Variants in COL12A1 observed in about 807,000 individuals in gnomAD.
COL12A1 encodes the protein collagen type XII alpha 1 chain, also known as collagen alpha-1(XII) chain.
A neutral mutation model predicts 349.7 loss-of-function variants in COL12A1; 114 were observed. The ratio of observed to expected loss-of-function variants is 0.33; its 90% CI spans 0.28 to 0.38. The LOEUF (loss-of-function observed/expected upper bound fraction) is 0.38, where lower values mean the gene tolerates loss of function less well. COL12A1 is among the 10% of genes least tolerant of loss of function. The probability of loss-of-function intolerance (pLI) is 1.00; values close to 1 mark genes in which losing one functional copy is unlikely to be tolerated. For missense variants in COL12A1, 3,284 were observed against 3,756.9 expected (o/e 0.87, Z 3.29); for synonymous variants, 1,369 against 1,329.0 (o/e 1.03, Z -0.66).
intron 17 of COL12A1, 66 bp from the exon 18 acceptor site, chr6:75,152,548 C>T (rs1259472892): frequency 7.1e-6 from 11 of 1,554,002 alleles, no homozygotes; most frequent in African/African-American, 1.4e-5. Flanking sequence ...TTCCTTGTCA[C>T]ACCTCTACCA....
chr6:75,136,961 G>C (rs1390238923), intron 31 of COL12A1, among the ~76,000 whole-genome samples: 2 of 152,096 alleles, frequency 1.3e-5, no homozygotes, highest in Non-Finnish European at 2.9e-5. Context: ...TAGGTTAACA[G>C]GCTCCCACAT....
chr6:75,132,116 GT>G, intron 34 of COL12A1, 34 bp from the exon 35 acceptor site: 1 of 1,610,996 alleles, frequency 6.2e-7, no homozygotes, highest in Non-Finnish European at 8.5e-7. Flanking sequence ...TATTTTTTAA[GT>G]CTGTTTATAT....
At chr6:75,125,010 C>A in intron 40 of COL12A1, 117 bp downstream of exon 40, 1 of 870,252 alleles carries the variant, frequency 1.1e-6, no homozygotes, top group East Asian at 3.1e-5. Flanking sequence ...ACAAAATAGC[C>A]TGCCTACATA....
intron 3 of COL12A1, among the ~76,000 whole-genome samples, chr6:75,194,295 A>G (rs1337748462): frequency 6.6e-6 from 1 of 152,168 alleles, no homozygotes; most frequent in African/African-American, 2.4e-5. Flanking sequence ...AATGCCTGAG[A>G]ACAAGCAAAA....
At chr6:75,184,739 T>A (rs534975079) in intron 8 of COL12A1, among the ~76,000 whole-genome samples, 1 of 152,336 alleles carries the variant, frequency 6.6e-6, no homozygotes, top group South Asian at 2.1e-4. Context: ...CAATGGCTTA[T>A]AACATGCATA....
intron 38 of COL12A1, among the ~76,000 whole-genome samples, chr6:75,127,002 A>G (rs918193033): frequency 6.6e-6 from 1 of 152,130 alleles, no homozygotes; most frequent in Non-Finnish European, 1.5e-5. Context: ...AACTTATAAA[A>G]TCAATGCTGT....
At chr6:75,196,508 G>T (rs1034433697) in intron 2 of COL12A1, among the ~76,000 whole-genome samples, 4 of 152,068 alleles carry the variant, frequency 2.6e-5, no homozygotes, top group African/African-American at 7.2e-5. Flanking sequence ...CACTAGTATT[G>T]GAATGAATGT....
intron 8 of COL12A1, among the ~76,000 whole-genome samples, chr6:75,185,522 T>G (rs2149469472): frequency 6.6e-6 from 1 of 152,214 alleles, no homozygotes; most frequent in South Asian, 2.1e-4. Context: ...AGAATCAATA[T>G]CATTAAAATG....
chr6:75,088,183 T>C (rs1767593873), intron 64 of COL12A1, among the ~76,000 whole-genome samples: 1 of 152,182 alleles, frequency 6.6e-6, no homozygotes, highest in Non-Finnish European at 1.5e-5. Flanking sequence ...TTAACATAAA[T>C]GGAAAGATTT....
At chr6:75,139,997 A>C (rs1582117790) in intron 27 of COL12A1, among the ~76,000 whole-genome samples, 1 of 152,238 alleles carries the variant, frequency 6.6e-6, no homozygotes, top group African/African-American at 2.4e-5. Context: ...TGAGATAAAG[A>C]GAGTGGTACT....
In COL12A1 at chr6:75,194,939, G is replaced by T. The variant is rs1473515166; in HGVS notation, c.82C>A (p.Pro28Thr). 2 of 1,584,404 alleles carry T rather than the reference G, an allele frequency of 1.3e-6. No homozygotes were observed. Among genetic ancestry groups the T allele is most frequent in the Non-Finnish European group, 1.7e-6 (2 of 1,159,026 alleles). The change falls in exon 3 of 66, where the codon CCT becomes ACT. Residue 28 changes from proline to threonine, a missense_variant. Pro to Thr is a conservative substitution (Grantham distance 38). This residue lies in a region of COL12A1 where 2,601 missense variants were observed against 2,824.8 expected (regional missense o/e 0.92). Transcript: ENST00000322507. ...LSSIEAEVDP[P>T]SDLNFKIIDE... is the part of the protein sequence containing the mutation. ...ATAATTTTAAAATTCAAGTCTGAAG[G>T]TGGGTCAACTGCAAAAGAGAGAGTT...
intron 14 of COL12A1, among the ~76,000 whole-genome samples, chr6:75,162,077 CA>C (rs889764173): frequency 9.2e-5 from 14 of 152,240 alleles, no homozygotes; most frequent in African/African-American, 3.4e-4. Flanking sequence ...CCATACTGCC[CA>C]AAGTAATTTA....
chr6:75,114,305 A>G (rs940375284), intron 49 of COL12A1, among the ~76,000 whole-genome samples: 1 of 151,964 alleles, frequency 6.6e-6, no homozygotes, highest in South Asian at 2.1e-4. Context: ...CAGAGCTCAT[A>G]TATTCCCAAA....
chr6:75,136,073 A>T (rs1398315742), intron 31 of COL12A1, among the ~76,000 whole-genome samples: 1 of 152,200 alleles, frequency 6.6e-6, no homozygotes, highest in Non-Finnish European at 1.5e-5. Flanking sequence ...GAGACTCTTT[A>T]TGATAGCAAA....
chr6:75,147,653 A>G, intron 23 of COL12A1, 22 bp downstream of exon 23: 1 of 1,576,144 alleles, frequency 6.3e-7, no homozygotes, highest in Non-Finnish European at 8.6e-7. Context: ...GCAATGAGAA[A>G]CAATTTTTTA....
At chr6:75,128,264 C>T in intron 38 of COL12A1, 32 bp downstream of exon 38, 1 of 1,520,146 alleles carries the variant, frequency 6.6e-7, no homozygotes, top group Non-Finnish European at 8.8e-7. Context: ...AATTTCAAAG[C>T]AAAAATAAAA....
At position 75,143,289 on chromosome 6, in the gene COL12A1, A is replaced by G. The variant is rs1412879079; in HGVS notation, c.4790T>C (p.Ile1597Thr). The change falls in exon 26 of 66, where the codon ATT becomes ACT. Residue 1597 changes from isoleucine to threonine, a missense_variant. Physicochemically the swap from Ile to Thr is moderately conservative, Grantham distance 89. This residue lies in a region of COL12A1 where 2,601 missense variants were observed against 2,824.8 expected (regional missense o/e 0.92). Coordinates refer to ENST00000322507, the MANE Select transcript of COL12A1 (RefSeq NM_004370.6). Reference sequence around the variant, plus strand: ...CTCTTCTGGTGTTTTGTATCGAACAATATATTTACGCACTTTTCCAGGCAC... The same window carrying G: ...CTCTTCTGGTGTTTTGTATCGAACAGTATATTTACGCACTTTTCCAGGCAC... Reference protein sequence around the residue: ...EPVPGKVRKYIVRYKTPEEDV... With the variant: ...EPVPGKVRKYTVRYKTPEEDV... The G allele has an allele frequency of 6.2e-7, 1 of 1,614,014 alleles. No individual in the cohort carries two copies. The highest frequency in any genetic ancestry group is 1.1e-5 in the South Asian group (1 of 91,058).
chr6:75,189,101 A>T (rs1186111763), intron 7 of COL12A1, 116 bp downstream of exon 7: 22 of 1,113,830 alleles, frequency 2.0e-5, no homozygotes, highest in Non-Finnish European at 2.5e-5. Context: ...CACTATAAAA[A>T]TGCAGTAAAC....
In COL12A1 at chr6:75,134,827, A is replaced by G; in HGVS notation, c.5423T>C (p.Val1808Ala). The change falls in exon 32 of 66, where the codon GTG (valine) becomes GCG (alanine). Residue 1808 changes from valine (V) to alanine (A), a missense_variant. This residue lies in a region of COL12A1 where 2,601 missense variants were observed against 2,824.8 expected (regional missense o/e 0.92). Coordinates refer to ENST00000322507, the MANE Select transcript of COL12A1 (RefSeq NM_004370.6). The stretch of plus-strand genomic sequence containing the variant: ...GTCTGGCTTCAGTTTCTGCAGGACC[A>G]CACTGTTCTGCCGTCCTCCTATTGT... Reference protein sequence around the residue: ...TTTIGGRQNSVVLQKLKPDTP... With the variant: ...TTTIGGRQNSAVLQKLKPDTP... 1 of 1,612,636 alleles carries G rather than the reference A, an allele frequency of 6.2e-7. No individual in the cohort carries two copies. Among genetic ancestry groups the G allele is most frequent in the Non-Finnish European group, 8.5e-7 (1 of 1,179,044 alleles).
Sources: allele counts gnomAD v4.1 joint callset (sites outside exome capture counted in the v4.1 genomes callset), GRCh38; gene constraint gnomAD v4.1.1; regional missense constraint gnomAD v4.1.1; transcripts MANE v1.5; gene names NCBI Gene and HGNC (gene_info 2026-07-23, HGNC 2026-07-21).